Variants in IGSF11 observed in about 807,000 individuals in gnomAD.
The protein encoded by IGSF11 is immunoglobulin superfamily member 11.
A neutral mutation model predicts 41.0 loss-of-function variants in IGSF11; 22 were observed. The observed-to-expected ratio is 0.54, with a 90% confidence interval of 0.38 to 0.77. IGSF11 has a LOEUF of 0.77. Among genes scored for constraint, IGSF11 ranks in the 30% least tolerant of loss-of-function variants. The pLI is 0.00. For synonymous variants in IGSF11, 219 were observed against 201.3 expected (o/e 1.09, Z -0.74); for missense variants, 444 against 530.8 (o/e 0.84, Z 1.61).
intron 1 of IGSF11, among the ~76,000 whole-genome samples, chr3:119,020,778 C>T (rs553215906): frequency 3.3e-5 from 5 of 152,214 alleles, no homozygotes; most frequent in Non-Finnish European, 7.3e-5. Context: ...TCTTCCTCCA[C>T]ATGACATTTT....
chr3:119,015,783 T>C (rs1938614627), intron 1 of IGSF11, among the ~76,000 whole-genome samples: 2 of 151,742 alleles, frequency 1.3e-5, no homozygotes, highest in South Asian at 2.1e-4. Context: ...TGTTAAGAGC[T>C]GGGGGAAAGG....
At chr3:119,106,544 T>G (rs920131053), upstream of IGSF11, among the ~76,000 whole-genome samples, 5 of 152,194 alleles carry the variant, frequency 3.3e-5, no homozygotes, top group Non-Finnish European at 7.4e-5. Context: ...CTTCATTCTT[T>G]TTTATGGCTG....
rs1223242450 is a variant in IGSF11 at position 118,931,762 on chromosome 3, C to T, written c.53-1487G>A. On this transcript the variant is annotated intron_variant, in intron 1 of 6. Transcript: ENST00000393775. ...ATTTTTTTTTTTTTTTTGAGACAGT[C>T]TCGCTCTGTTGCCAGGCTGGAGTGC... is the stretch of plus-strand genomic sequence containing the variant. Among the ~76,000 whole-genome samples, 7 of 140,902 alleles carry T rather than the reference C, an allele frequency of 5.0e-5. 1 individual carries two copies. Among genetic ancestry groups the T allele is most frequent in the Non-Finnish European group, 1.1e-4 (7 of 66,032 alleles). 92.4% of individuals were successfully genotyped at this position (140,902 alleles called of 152,430 possible). A position where few individuals can be genotyped will look rare whatever the true frequency, so the allele number is the denominator to read the frequency against.
chr3:119,126,395 G>A (rs1256629702), intron 1 of IGSF11, among the ~76,000 whole-genome samples: 3 of 152,232 alleles, frequency 2.0e-5, no homozygotes, highest in Non-Finnish European at 4.4e-5. Context: ...GCCCCTAAGG[G>A]GAGGGATGGC....
intron 1 of IGSF11, among the ~76,000 whole-genome samples, chr3:118,955,095 G>C (rs1156404172): frequency 2.0e-5 from 3 of 152,110 alleles, no homozygotes; most frequent in Non-Finnish European, 4.4e-5. Flanking sequence ...ATATGAAAAA[G>C]ATACTTTCAC....
At chr3:118,954,103 A>AT (rs572909759) in intron 1 of IGSF11, among the ~76,000 whole-genome samples, 168 of 152,110 alleles carry the variant, frequency 1.1e-3, no homozygotes, top group African/African-American at 3.9e-3. Flanking sequence ...ATTCCATTTC[A>AT]TTCTTCTATT....
chr3:118,930,202 C>A lies in IGSF11; in HGVS notation c.126G>T (p.Leu42=), dbSNP rs763401500. The A allele has an allele frequency of 1.2e-5, 20 of 1,613,928 alleles. No homozygotes were observed. Among genetic ancestry groups the A allele is most frequent in the African/African-American group, 6.7e-5 (5 of 74,918 alleles). ...IQVARGQPAV[L]PCTFTTSAAL... ...CAGCGCTGGTAGTGAAAGTGCAGGG[C>A]AGGACTGCTGGCTGACCCCGGGCCA... Residue 42 remains leucine, a synonymous_variant, in exon 2 of 7, where the codon CTG becomes CTT. Coordinates refer to ENST00000393775, the MANE Select transcript of IGSF11 (RefSeq NM_001015887.3).
chr3:118,941,347 G>A (rs557787882), intron 1 of IGSF11, among the ~76,000 whole-genome samples: 69 of 152,170 alleles, frequency 4.5e-4, no homozygotes, highest in African/African-American at 1.5e-3. Flanking sequence ...TGCATAGAAA[G>A]TATACAAATG....
intron 1 of IGSF11, among the ~76,000 whole-genome samples, chr3:119,014,107 T>C (rs192469289): frequency 1.2e-3 from 183 of 152,344 alleles, no homozygotes; most frequent in Non-Finnish European, 1.9e-3. Flanking sequence ...CTGCCTGGCA[T>C]GTGCTACACC....
chr3:119,108,806 T>A (rs2077085416), upstream of IGSF11, among the ~76,000 whole-genome samples: 1 of 145,204 alleles, frequency 6.9e-6, no homozygotes. Context: ...GAAGGGTTGT[T>A]GAATTTTGTC....
chr3:118,940,936 CTTATTTAATACTTTATATAAAAA>C (rs1559932544), intron 1 of IGSF11, among the ~76,000 whole-genome samples: 1 of 149,648 alleles, frequency 6.7e-6, no homozygotes, highest in African/African-American at 2.4e-5. Flanking sequence ...CACCTCTACC[CTTATTTAATACTTTATATAAAAA>C]TTAACTCAAA....
rs2107461092 is a variant in IGSF11 at position 118,902,714 on chromosome 3, G to T, written c.1102C>A (p.Gln368Lys). The T allele has an allele frequency of 6.2e-7, 1 of 1,614,098 alleles. No individual in the cohort carries two copies. The highest frequency in any genetic ancestry group is 2.2e-5 in the East Asian group (1 of 44,864). ...GCTGTCACTACCAGAGTCTTATGTT[G>T]ACCCGGGACCAGATGGGTCCCATTA... The part of the protein sequence containing the change: ...YANGTHLVPG[Q>K]HKTLVVTANR... The change falls in exon 7 of 7, where the codon CAA becomes AAA. Residue 368 changes from glutamine (Q) to lysine (K), a missense_variant. By Grantham distance (53) the Gln-to-Lys change is moderately conservative (BLOSUM62 1). Coordinates refer to ENST00000393775, the MANE Select transcript of IGSF11 (RefSeq NM_001015887.3).
rs545667923 is a variant in IGSF11 at position 119,140,376 on chromosome 3, A to G, written c.-14+5437T>C. Among the ~76,000 whole-genome samples the G allele has an allele frequency of 5.9e-5, 9 of 152,328 alleles. No individual in the cohort carries two copies. The South Asian group carries it at 1.9e-3, about 32-fold the overall frequency. On this transcript the variant is annotated intron_variant, in intron 1 of 7. Transcript: ENST00000425327. ...TAGGACAAAAATTGTTACTTGAAAA[A>G]GTACATTTTATAATGATAAGAAGGT...
intron 1 of IGSF11, chr3:118,948,189 AAC>A (rs1262662913): frequency 6.6e-6 from 1 of 152,254 alleles, no homozygotes; most frequent in East Asian, 1.9e-4. Context: ...TCTTTCTTGC[AAC>A]ACAGATTCTT....
rs777864615 is a variant in IGSF11 at position 118,928,731 on chromosome 3, AAAAT to A, written c.217-19_217-16del. 40 of 1,600,956 alleles carry A rather than the reference AAAAT, an allele frequency of 2.5e-5. No individual in the cohort carries two copies. The African/African-American group carries it at 4.2e-4, about 17-fold the overall frequency. ...TACAGGATGACCTGGAAAAGAAAGCAAAATAAATAAACTGGCCACTCTATCCTCT... is the reference window on the plus strand; with the variant it reads ...TACAGGATGACCTGGAAAAGAAAGCAAAATAAACTGGCCACTCTATCCTCT... On this transcript the variant is annotated splice_polypyrimidine_tract_variant and intron_variant, in intron 2 of 6. Transcript: ENST00000393775.
rs1393325008 is a variant in IGSF11, at chr3:119,075,147, C to T, written c.49+29997G>A. Among the ~76,000 whole-genome samples the T allele has an allele frequency of 5.3e-5, 8 of 152,032 alleles. No individual in the cohort carries two copies. In the East Asian group the frequency reaches 1.5e-3, roughly 29 times the overall value. On this transcript the variant is annotated intron_variant, in intron 1 of 6. Transcript: ENST00000354673. Reference sequence around the variant, plus strand: ...ACACAATCAGAAATGACAAAGGGGACATTACCACAGACCTCACACAAATAT... The same window carrying T: ...ACACAATCAGAAATGACAAAGGGGATATTACCACAGACCTCACACAAATAT...
chr3:119,086,469 T>C (rs1343401076), intron 1 of IGSF11, among the ~76,000 whole-genome samples: 1 of 150,044 alleles, frequency 6.7e-6, no homozygotes, highest in Non-Finnish European at 1.5e-5. Flanking sequence ...AAAGAAAAAG[T>C]CCAAGTTGGA....
chr3:119,038,423 T>C (rs1038766657), upstream of IGSF11, among the ~76,000 whole-genome samples: 5 of 152,184 alleles, frequency 3.3e-5, no homozygotes, highest in African/African-American at 1.2e-4. Context: ...CTCCTCCCCA[T>C]AGCCCAATCC....
At chr3:119,055,390 T>C (rs768897382) in intron 1 of IGSF11, among the ~76,000 whole-genome samples, 1 of 152,066 alleles carries the variant, frequency 6.6e-6, no homozygotes, top group Non-Finnish European at 1.5e-5. Flanking sequence ...TACATAACGC[T>C]AAAGGGATCA....
Sources: gnomAD v4.1 joint callset for allele counts (sites outside exome capture counted in the v4.1 genomes callset) on GRCh38, gnomAD v4.1.1 for gene constraint, MANE v1.5 for transcripts, NCBI Gene and HGNC (gene_info 2026-07-23, HGNC 2026-07-21) for gene names.